The following RFTN1 variants were observed in gnomAD, a reference collection of about 807,000 sequenced individuals.
RFTN1 encodes raftlin.
In RFTN1, 26 loss-of-function variants were observed where a neutral mutation model predicts 46.5. The observed-to-expected ratio is 0.56, with a 90% CI of 0.41 to 0.78. The LOEUF is 0.78. RFTN1 is among the 30% of genes least tolerant of loss of function. The probability of loss-of-function intolerance (pLI) is 0.00; values close to 1 mark genes in which losing one functional copy is unlikely to be tolerated. For synonymous variants in RFTN1, 261 were observed against 284.2 expected, an observed-to-expected ratio of 0.92 and a Z score of 0.82; for missense variants, 693 against 718.7, an observed-to-expected ratio of 0.96 and a Z score of 0.41.
chr3:16,488,758 CA>C (rs1490365240), intron 2 of RFTN1, among the ~76,000 whole-genome samples: 1 of 152,214 alleles, frequency 6.6e-6, no homozygotes, highest in African/African-American at 2.4e-5. Flanking sequence ...CCTCTTTGGG[CA>C]AGTTACTTAA....
rs969700474 is a variant in RFTN1 at position 16,380,788 on chromosome 3, T to C, written c.442-2686A>G. 7.9e-5 allele frequency among the ~76,000 whole-genome samples: 12 copies of C among 152,216 alleles called. No homozygotes were observed. Among genetic ancestry groups the C allele is most frequent in the Non-Finnish European group, 1.5e-5 (1 of 68,036 alleles). ...CACATTTCATGAGGGCTGGGGTAGT[T>C]TGCACTGCTGCATCCCCAGTAATAG... On this transcript the variant is annotated intron_variant, in intron 4 of 9. Coordinates refer to ENST00000334133, the MANE Select transcript of RFTN1 (RefSeq NM_015150.2). This position sits in a 1 kb window ranked among gnomAD's most constrained non-coding sequence, Gnocchi z 4.8.
rs568519396 is a variant in RFTN1, at chr3:16,358,947, G to A, written c.1031-900C>T. ...CTTGGGAGGCTGAGGCAGGAGAATC[G>A]CTTGAACCGGGGAGGTGGAGGTTGC... is the stretch of plus-strand genomic sequence containing the variant. On this transcript the variant is annotated intron_variant, in intron 6 of 9. Transcript: ENST00000334133. Among the ~76,000 whole-genome samples the A allele has an allele frequency of 5.6e-3, 837 of 149,074 alleles. 1 individual carries two copies. The highest frequency in any genetic ancestry group is 0.019 in the African/African-American group (789 of 40,582).
In RFTN1 at chr3:16,335,444, G is replaced by A. The variant is rs1042748565; in HGVS notation, c.1147-8568C>T. On this transcript the variant is annotated intron_variant, in intron 7 of 9. Coordinates refer to ENST00000334133, the MANE Select transcript of RFTN1 (RefSeq NM_015150.2). This position sits in a 1 kb window ranked among gnomAD's most constrained non-coding sequence, Gnocchi z 4.7. ...ATGCTATGCAGCCTTAAAAAGGAAC[G>A]AATCACGTCCTTTGTGGGGACATGG... Among the ~76,000 whole-genome samples the A allele has an allele frequency of 1.4e-4, 22 of 152,328 alleles. No individual in the cohort carries two copies. The highest frequency in any genetic ancestry group is 5.3e-4 in the African/African-American group (22 of 41,576).
intron 2 of RFTN1, among the ~76,000 whole-genome samples, chr3:16,434,317 A>G (rs1260624710): frequency 6.6e-6 from 1 of 152,126 alleles, no homozygotes; most frequent in Non-Finnish European, 1.5e-5. Context: ...TGAGCCGAGA[A>G]GTTTGAGACC....
rs116835323 is a variant in RFTN1, at chr3:16,332,004, T to G, written c.1147-5128A>C. ...CTATTCTGATTACTAATATTTTAAC[T>G]GTAACCTGTTGTATTGCTTTGAAAG... On this transcript the variant is annotated intron_variant, in intron 7 of 9. Coordinates refer to ENST00000334133, the MANE Select transcript of RFTN1 (RefSeq NM_015150.2). 4.2e-3 allele frequency among the ~76,000 whole-genome samples: 639 copies of G among 152,364 alleles called. 1 individual carries two copies. The highest frequency in any genetic ancestry group is 7.5e-3 in the Non-Finnish European group (512 of 68,026).
In RFTN1 at chr3:16,449,388, G is replaced by C. The variant is rs531685354; in HGVS notation, c.146-15351C>G. On this transcript the variant is annotated intron_variant, in intron 2 of 9. Coordinates refer to ENST00000334133, the MANE Select transcript of RFTN1 (RefSeq NM_015150.2). This position sits in a 1 kb window ranked among gnomAD's most constrained non-coding sequence, Gnocchi z 5.1. ...CATCCCTTACTAGCCATATGACTTT[G>C]GGTGAATTACGAATGCTTATGGGCC... is the stretch of plus-strand genomic sequence containing the variant. Among the ~76,000 whole-genome samples, 21 of 152,262 alleles carry C rather than the reference G, an allele frequency of 1.4e-4. No homozygotes were observed. Among genetic ancestry groups the C allele is most frequent in the African/African-American group, 5.1e-4 (21 of 41,552 alleles).
chr3:16,403,772 A>AATATATTTTATATATATTTT (rs2074689648), intron 4 of RFTN1, among the ~76,000 whole-genome samples: 1 of 12,274 alleles, frequency 8.1e-5, no homozygotes, highest in Admixed American at 1.5e-3. Flanking sequence ...TATAATATAT[A>AATATATTTTATATATATTTT]ATATATATTA....
intron 2 of RFTN1, among the ~76,000 whole-genome samples, chr3:16,470,114 A>G (rs1051485022): frequency 6.6e-5 from 10 of 152,192 alleles, no homozygotes; most frequent in South Asian, 2.1e-4. Context: ...CTGGGCCTTC[A>G]TTTGTCTATC....
chr3:16,513,415 C>G lies in RFTN1; in HGVS notation c.-9+27G>C, dbSNP rs2125022318. ...GGCCTGTGCCGGTCGACACCCCAAG[C>G]CCTGTCGCGCCCCCCCCGCCGCCTA... On this transcript the variant is annotated intron_variant, in intron 1 of 9. Coordinates refer to ENST00000334133, the MANE Select transcript of RFTN1 (RefSeq NM_015150.2). This position sits in a 1 kb window ranked among gnomAD's most constrained non-coding sequence, Gnocchi z 5.4. 1 of 152,402 alleles carries G rather than the reference C, an allele frequency of 6.6e-6. No homozygotes were observed. Among genetic ancestry groups the G allele is most frequent in the South Asian group, 2.1e-4 (1 of 4,830 alleles). 9.4% of individuals were successfully genotyped at this position (152,402 alleles called of 1,614,324 possible). A position where few individuals can be genotyped will look rare whatever the true frequency, so the allele number is the denominator to read the frequency against.
At chr3:16,325,565 G>A (rs1165633343) in intron 8 of RFTN1, among the ~76,000 whole-genome samples, 2 of 152,190 alleles carry the variant, frequency 1.3e-5, no homozygotes, top group Non-Finnish European at 2.9e-5. Context: ...GTGGCAGACT[G>A]AAGACTTGGG....
intron 1 of RFTN1, among the ~76,000 whole-genome samples, chr3:16,508,894 T>A (rs2076853924): frequency 6.6e-6 from 1 of 152,198 alleles, no homozygotes; most frequent in African/African-American, 2.4e-5. Context: ...ATGAAACTAC[T>A]ATCTGTGCTA....
chr3:16,507,820 TAC>T lies in RFTN1; in HGVS notation c.-9+5620_-9+5621del, dbSNP rs1376061163. Among the ~76,000 whole-genome samples the T allele has an allele frequency of 8.1e-6, 1 of 123,646 alleles. No individual in the cohort carries two copies. The highest frequency in any genetic ancestry group is 1.7e-5 in the Non-Finnish European group (1 of 57,404). 81.1% of individuals were successfully genotyped at this position (123,646 alleles called of 152,430 possible). A position where few individuals can be genotyped will look rare whatever the true frequency, so the allele number is the denominator to read the frequency against. ...ACACACACAAACGCACATACATACA[TAC>T]ATACACACACACACACATACACACA... is the stretch of plus-strand genomic sequence containing the variant. On this transcript the variant is annotated intron_variant, in intron 1 of 9. Transcript: ENST00000334133. This position sits in a 1 kb window ranked among gnomAD's most constrained non-coding sequence, Gnocchi z 7.1.
intron 7 of RFTN1, among the ~76,000 whole-genome samples, chr3:16,343,253 C>T (rs2071427844): frequency 6.6e-6 from 1 of 152,200 alleles, no homozygotes; most frequent in Admixed American, 6.5e-5. Flanking sequence ...GGTAATGGAA[C>T]ATCCAAGTCA....
intron 7 of RFTN1, among the ~76,000 whole-genome samples, chr3:16,355,711 C>T (rs922329924): frequency 3.9e-5 from 6 of 152,216 alleles, no homozygotes; most frequent in African/African-American, 1.4e-4. Flanking sequence ...ACGCAGACTG[C>T]CAGGCCCCAC....
chr3:16,413,128 TA>T lies in RFTN1; in HGVS notation c.333-3646del, dbSNP rs1329527517. Reference sequence around the variant, plus strand: ...ATACCAAAAAAAGAAAACAGAAAACTAACACAGTTCCTGAGGAGGAAGACAT... The same window carrying T: ...ATACCAAAAAAAGAAAACAGAAAACTACACAGTTCCTGAGGAGGAAGACAT... On this transcript the variant is annotated intron_variant, in intron 3 of 9. Coordinates refer to ENST00000334133, the MANE Select transcript of RFTN1 (RefSeq NM_015150.2). The surrounding 1 kb of genome is among the most constrained non-coding windows in gnomAD (Gnocchi z 4.7). Among the ~76,000 whole-genome samples, 3 of 152,202 alleles carry T rather than the reference TA, an allele frequency of 2.0e-5. No individual in the cohort carries two copies. Among genetic ancestry groups the T allele is most frequent in the African/African-American group, 7.2e-5 (3 of 41,448 alleles).
At chr3:16,378,356 A>T (rs1301237804) in intron 4 of RFTN1, among the ~76,000 whole-genome samples, 6 of 152,346 alleles carry the variant, frequency 3.9e-5, no homozygotes. Flanking sequence ...GAAGAGTTGA[A>T]ATCACTACTT....
At chr3:16,445,676 G>A (rs757555357) in intron 2 of RFTN1, among the ~76,000 whole-genome samples, 1 of 151,852 alleles carries the variant, frequency 6.6e-6, no homozygotes, top group Non-Finnish European at 1.5e-5. Flanking sequence ...TAAGTAAGAA[G>A]TTTTTTATAT....
rs57105411 is a variant in RFTN1 at position 16,507,808 on chromosome 3, CACAT to C, written c.-9+5630_-9+5633del. 0.17 allele frequency among the ~76,000 whole-genome samples: 22,725 copies of C among 136,814 alleles called. 1,936 individuals carry two copies. Among genetic ancestry groups the C allele is most frequent in the East Asian group, 0.3 (1,419 of 4,766 alleles). The allele number at this position is 136,814 out of a possible 152,430, so 89.8% of individuals were successfully genotyped here. ...ACATACACACAAACACACACAAACGCACATACATACATACATACACACACACACA... is the reference window on the plus strand; with the variant it reads ...ACATACACACAAACACACACAAACGCACATACATACATACACACACACACA... On this transcript the variant is annotated intron_variant, in intron 1 of 9. Transcript: ENST00000334133. This position sits in a 1 kb window ranked among gnomAD's most constrained non-coding sequence, Gnocchi z 7.1.
rs539802651 is a variant in RFTN1, at chr3:16,401,882, C to CGGA, written c.441+7490_441+7492dup. On this transcript the variant is annotated intron_variant, in intron 4 of 9. Coordinates refer to ENST00000334133, the MANE Select transcript of RFTN1 (RefSeq NM_015150.2). ...CATATTTCCACCAGGCATCAGAGAG[C>CGGA]GGAGGCTCAGTGGAAACTGCCCCTT... 3.9e-5 allele frequency among the ~76,000 whole-genome samples: 6 copies of CGGA among 152,352 alleles called. No homozygotes were observed. The East Asian group carries it at 1.2e-3, about 29-fold the overall frequency.
Sources: allele counts gnomAD v4.1 joint callset (sites outside exome capture counted in the v4.1 genomes callset), GRCh38; gene constraint gnomAD v4.1.1; non-coding constraint Gnocchi (gnomAD v3.1); transcripts MANE v1.5; gene names NCBI Gene and HGNC (gene_info 2026-07-23, HGNC 2026-07-21).